The following CGB7 variants were observed in gnomAD, a reference collection of about 807,000 sequenced individuals.
CGB7 encodes chorionic gonadotropin subunit beta 7, also known as choriogonadotropin subunit beta 7.
CGB7 carries 6 observed loss-of-function variants against 7.3 expected under a neutral mutation model. The ratio of observed to expected loss-of-function variants is 0.82; its 90% CI spans 0.45 to 1.62. The LOEUF (loss-of-function observed/expected upper bound fraction) is 1.62, where lower values mean the gene tolerates loss of function less well. CGB7 is among the 40% of genes most tolerant of loss of function. The probability of loss-of-function intolerance (pLI) is 0.01; values close to 1 mark genes in which losing one functional copy is unlikely to be tolerated. For missense variants in CGB7, 114 were observed against 236.2 expected, an observed-to-expected ratio of 0.48 and a Z score of 3.39; for synonymous variants, 47 against 100.8, an observed-to-expected ratio of 0.47 and a Z score of 3.20.
Position 49,057,120 on chromosome 19 carries a change from C to T in CGB7, c.-1221+1G>A. On this transcript the variant is annotated splice_donor_variant, in intron 2 of 4. Transcript: ENST00000684222. LOFTEE classifies it low-confidence loss of function (5UTR_SPLICE). ...CGGTGCCGAGCGAGAGCCCGGCTTACTTGGGATAGAACCGAAAGTCCCGCG... is the reference window on the plus strand; with the variant it reads ...CGGTGCCGAGCGAGAGCCCGGCTTATTTGGGATAGAACCGAAAGTCCCGCG... The T allele has an allele frequency of 6.5e-7, 1 of 1,533,790 alleles. No homozygotes were observed. The highest frequency in any genetic ancestry group is 1.2e-5 in the South Asian group (1 of 83,984).
rs36125845 is a variant in CGB7 at position 49,055,627 on chromosome 19, C to T, written c.-252G>A. 441,525 of 1,424,694 alleles carry T rather than the reference C, an allele frequency of 0.31. 70,512 individuals carry two copies. The highest frequency in any genetic ancestry group is 0.4 in the South Asian group (27,270 of 67,790). The allele number at this position is 1,424,694 out of a possible 1,614,324, so 88.3% of individuals were successfully genotyped here. ...ACCTCTGAGACTCAGTCGTCGAGTG[C>T]TAGGGACTAGTCGAGGCTGGAGGCA... On this transcript the variant is annotated 5_prime_UTR_variant, in exon 3 of 5. Transcript: ENST00000684222.
rs2040066985 is a variant in CGB7, at chr19:49,056,523, C to G, written c.-1148G>C. On this transcript the variant is annotated 5_prime_UTR_variant, in exon 3 of 5. Coordinates refer to ENST00000684222, the MANE Select transcript of CGB7 (RefSeq NM_001385261.1). ...AGGGCTGCCGCTGCGGGTCGTGACT[C>G]CAGAGTTGGGGCGTCTCTTCTAAGC... is the stretch of plus-strand genomic sequence containing the variant. The G allele has an allele frequency of 7.7e-7, 1 of 1,303,078 alleles. No individual in the cohort carries two copies. Among genetic ancestry groups the G allele is most frequent in the Non-Finnish European group, 1.0e-6 (1 of 998,138 alleles). The allele number at this position is 1,303,078 out of a possible 1,614,324, so 80.7% of individuals were successfully genotyped here.
In CGB7 at chr19:49,055,534, C is replaced by T. The variant is rs932655810; in HGVS notation, c.-159G>A. On this transcript the variant is annotated 5_prime_UTR_variant, in exon 3 of 5. Transcript: ENST00000684222. ...CCAGGGAGGCACAGGAGTGGCTCAGCGGAGCACCCCAGTCCTCTCCCCTCA... is the reference window on the plus strand; with the variant it reads ...CCAGGGAGGCACAGGAGTGGCTCAGTGGAGCACCCCAGTCCTCTCCCCTCA... 1.1e-5 allele frequency: 17 copies of T among 1,571,016 alleles called. No homozygotes were observed. The highest frequency in any genetic ancestry group is 4.0e-5 in the African/African-American group (3 of 74,240).
chr19:49,057,271 G>A (rs968275201), intron 1 of CGB7, 23 bp from the exon 2 acceptor site: 2 of 1,525,784 alleles, frequency 1.3e-6, no homozygotes, highest in Non-Finnish European at 8.8e-7. Flanking sequence ...GGGGGAGGAG[G>A]CATACCCAAG....
intron 3 of CGB7, 115 bp downstream of exon 3, chr19:49,055,246 G>T: frequency 6.2e-7 from 1 of 1,603,630 alleles, no homozygotes; most frequent in Non-Finnish European, 8.5e-7. Context: ...GCTTATTGGG[G>T]GTCACGCTCC....
In CGB7 at chr19:49,054,541, C is replaced by A; in HGVS notation, c.248G>T (p.Arg83Leu). 2.9e-6 allele frequency: 4 copies of A among 1,371,798 alleles called. No homozygotes were observed. Among genetic ancestry groups the A allele is most frequent in the Non-Finnish European group, 4.0e-6 (4 of 997,350 alleles). 85.0% of individuals were successfully genotyped at this position (1,371,798 alleles called of 1,614,324 possible). The part of the protein sequence containing the change: ...PQVVCNYRDV[R>L]FESIRLPGCP... Reference sequence around the variant, plus strand: ...GCCAGGGAGCCGGATGGACTCGAAGCGCACATCGCGGTAGTTGCACACCAC... The same window carrying A: ...GCCAGGGAGCCGGATGGACTCGAAGAGCACATCGCGGTAGTTGCACACCAC... Residue 83 changes from arginine to leucine, a missense_variant, in exon 5 of 5, where the codon CGC (arginine) becomes CTC (leucine). Arg to Leu is a moderately radical substitution (Grantham distance 102). Transcript: ENST00000684222.
In CGB7 at chr19:49,055,396, G is replaced by C. The variant is rs377546887; in HGVS notation, c.-21C>G. On this transcript the variant is annotated 5_prime_UTR_variant, in exon 3 of 5. Transcript: ENST00000684222. ...TCCATCCTTGGTGCGTCCCCTGCCT[G>C]GTGTACCTGGCTTTATACCTCGGGT... 244 of 1,613,506 alleles carry C rather than the reference G, an allele frequency of 1.5e-4. No individual in the cohort carries two copies. Among genetic ancestry groups the C allele is most frequent in the East Asian group, 3.6e-4 (16 of 44,868 alleles).
chr19:49,054,705 G>A, intron 4 of CGB7, 100 bp from the exon 5 acceptor site: 1 of 1,218,514 alleles, frequency 8.2e-7, no homozygotes, highest in East Asian at 2.6e-5. Flanking sequence ...AGGGGTCCAG[G>A]AAGCCCTCTG....
In CGB7 at chr19:49,056,134, C is replaced by T. The variant is rs1568405341; in HGVS notation, c.-759G>A. ...CTGAGTGGGCGTGTCTGGGCTAGTC[C>T]TGTCCCCACACTGCGGATAGACTTA... On this transcript the variant is annotated 5_prime_UTR_variant, in exon 3 of 5. Transcript: ENST00000684222. 13 of 1,208,016 alleles carry T rather than the reference C, an allele frequency of 1.1e-5. No individual in the cohort carries two copies. Among genetic ancestry groups the T allele is most frequent in the Non-Finnish European group, 1.4e-5 (13 of 946,542 alleles). 74.8% of individuals were successfully genotyped at this position (1,208,016 alleles called of 1,614,324 possible). A position where few individuals can be genotyped will look rare whatever the true frequency, so the allele number is the denominator to read the frequency against.
At position 49,056,312 on chromosome 19, in the gene CGB7, G is replaced by A. The variant is rs1395508845; in HGVS notation, c.-937C>T. ...ACAGCGGCCTGAGCGGGAGTTCTCG[G>A]TGCTGTAGGCTTTCGGGACGCTGTG... is the stretch of plus-strand genomic sequence containing the variant. On this transcript the variant is annotated 5_prime_UTR_variant, in exon 3 of 5. Transcript: ENST00000684222. 1 of 1,293,534 alleles carries A rather than the reference G, an allele frequency of 7.7e-7. No individual in the cohort carries two copies. Among genetic ancestry groups the A allele is most frequent in the Non-Finnish European group, 1.0e-6 (1 of 991,172 alleles). The allele number at this position is 1,293,534 out of a possible 1,614,324, so 80.1% of individuals were successfully genotyped here. A position where few individuals can be genotyped will look rare whatever the true frequency, so the allele number is the denominator to read the frequency against.
chr19:49,057,549 C>T lies in CGB7; in HGVS notation c.-1436G>A, dbSNP rs1311295122. On this transcript the variant is annotated 5_prime_UTR_variant, in exon 1 of 5. Transcript: ENST00000684222. ...AAATCCCCCTGGTTCTGCCCCCGGT[C>T]TCAAGCCTTCTTGGTGTGGCCACTG... The T allele has an allele frequency of 8.3e-7, 1 of 1,205,068 alleles. No homozygotes were observed. The highest frequency in any genetic ancestry group is 1.0e-6 in the Non-Finnish European group (1 of 962,012). The allele number at this position is 1,205,068 out of a possible 1,614,324, so 74.6% of individuals were successfully genotyped here.
At chr19:49,055,333 A>T (rs2040044013) in intron 3 of CGB7, 28 bp downstream of exon 3, 1 of 1,612,276 alleles carries the variant, frequency 6.2e-7, no homozygotes, top group Admixed American at 1.7e-5. Context: ...AAGGAGGTGG[A>T]AGGTGCCCAG....
At chr19:49,055,150 G>A in intron 3 of CGB7, 142 bp from the exon 4 acceptor site, 1 of 1,552,920 alleles carries the variant, frequency 6.4e-7, no homozygotes, top group Non-Finnish European at 8.7e-7. Context: ...CCGGACACCT[G>A]CCTTTCAGAG....
In CGB7 at chr19:49,055,015, C is replaced by T. The variant is rs767230869; in HGVS notation, c.16-7G>A. The T allele has an allele frequency of 3.7e-6, 6 of 1,601,778 alleles. No individual in the cohort carries two copies. The highest frequency in any genetic ancestry group is 3.3e-5 in the South Asian group (3 of 90,940). On this transcript the variant is annotated splice_region_variant and splice_polypyrimidine_tract_variant and intron_variant, in intron 3 of 4. Coordinates refer to ENST00000684222, the MANE Select transcript of CGB7 (RefSeq NM_001385261.1). ...GCAGCAACAGCAGCAGCCCCTGGGA[C>T]AAGGACACTGCTTCACCCGGGCCTG...
rs985757023 is a variant in CGB7, at chr19:49,056,106, C to T, written c.-731G>A. On this transcript the variant is annotated 5_prime_UTR_variant, in exon 3 of 5. Transcript: ENST00000684222. ...TAGTCCCTTCCCCGCGATCCAGCCG[C>T]AGCTGAGTGGGCGTGTCTGGGCTAG... The T allele has an allele frequency of 8.9e-5, 105 of 1,182,736 alleles. No homozygotes were observed. Among genetic ancestry groups the T allele is most frequent in the Non-Finnish European group, 1.1e-4 (99 of 936,384 alleles). 73.3% of individuals were successfully genotyped at this position (1,182,736 alleles called of 1,614,324 possible).
rs1312970597 is a variant in CGB7, at chr19:49,055,346, GCC to G, written c.15+13_15+14del. The G allele has an allele frequency of 6.2e-7, 1 of 1,612,752 alleles. No individual in the cohort carries two copies. Among genetic ancestry groups the G allele is most frequent in the Non-Finnish European group, 8.5e-7 (1 of 1,179,750 alleles). On this transcript the variant is annotated intron_variant, in intron 3 of 4. Transcript: ENST00000684222. ...GGAAGGAGGTGGAAGGTGCCCAGGG[GCC>G]CTGCAGTCTTACCTGGAACATCTCC...
rs562537827 is a variant in CGB7 at position 49,055,961 on chromosome 19, A to G, written c.-586T>C. ...CCGCCCACCCTACCCTCAAGCCAGG[A>G]TGCCCGGAGCGGTCCCCGGAAATGC... On this transcript the variant is annotated 5_prime_UTR_variant, in exon 3 of 5. Transcript: ENST00000684222. The G allele has an allele frequency of 9.0e-7, 1 of 1,113,176 alleles. No homozygotes were observed. The highest frequency in any genetic ancestry group is 2.2e-5 in the South Asian group (1 of 46,260). 69.0% of individuals were successfully genotyped at this position (1,113,176 alleles called of 1,614,324 possible).
Position 49,057,230 on chromosome 19 carries a change from T to G in CGB7, c.-1330A>C. The G allele has an allele frequency of 2.0e-6, 3 of 1,533,786 alleles. No homozygotes were observed. The highest frequency in any genetic ancestry group is 2.6e-6 in the Non-Finnish European group (3 of 1,146,136). ...GGTGGGCCAGACAGCGCGGGGTTCT[T>G]CGTGCAGGCGATTAGAGCCTGAGCA... On this transcript the variant is annotated 5_prime_UTR_variant, in exon 2 of 5. Coordinates refer to ENST00000684222, the MANE Select transcript of CGB7 (RefSeq NM_001385261.1).
intron 2 of CGB7, among the ~76,000 whole-genome samples, 169 bp from the exon 3 acceptor site, chr19:49,056,764 T>C (rs2040070386): frequency 6.6e-6 from 1 of 152,084 alleles, no homozygotes; most frequent in Non-Finnish European, 1.5e-5. Flanking sequence ...GTCCTCGAGG[T>C]ACTTAACGTC....
Sources: allele counts gnomAD v4.1 joint callset (sites outside exome capture counted in the v4.1 genomes callset), GRCh38; gene constraint gnomAD v4.1.1; transcripts MANE v1.5; gene names NCBI Gene and HGNC (gene_info 2026-07-23, HGNC 2026-07-21).